ROBO2: variants seen among roughly 807,000 people sequenced by gnomAD.
The protein encoded by ROBO2 is roundabout homolog 2.
In ROBO2, 53 loss-of-function variants were observed where a neutral mutation model predicts 160.8. The ratio of observed to expected loss-of-function variants is 0.33; its 90% CI spans 0.26 to 0.41. The LOEUF (loss-of-function observed/expected upper bound fraction) is 0.41, where lower values mean the gene tolerates loss of function less well. ROBO2 is among the 10% of genes least tolerant of loss of function. The pLI is 1.00. For missense variants in ROBO2, 1,577 were observed against 1,722.4 expected, an observed-to-expected ratio of 0.92 and a Z score of 1.49; for synonymous variants, 664 against 611.7, an observed-to-expected ratio of 1.09 and a Z score of -1.26.
intron 2 of ROBO2, among the ~76,000 whole-genome samples, chr3:77,167,891 C>T (rs1320952837): frequency 6.6e-6 from 1 of 151,992 alleles, no homozygotes; most frequent in Non-Finnish European, 1.5e-5. Context: ...TGATGTTTCT[C>T]TGCCGCATTA....
chr3:76,985,529 C>T (rs2060327450), intron 2 of ROBO2, among the ~76,000 whole-genome samples: 1 of 129,320 alleles, frequency 7.7e-6, no homozygotes, highest in Admixed American at 9.4e-5. Context: ...TTGCAGTGAG[C>T]CAAGCCATTG....
chr3:77,182,724 C>T (rs1249705403), intron 2 of ROBO2, among the ~76,000 whole-genome samples: 1 of 152,006 alleles, frequency 6.6e-6, no homozygotes, highest in African/African-American at 2.4e-5. Context: ...TGAGTTGGTG[C>T]TCTCAACAAT....
intron 2 of ROBO2, among the ~76,000 whole-genome samples, chr3:77,153,204 A>G (rs1000986754): frequency 4.6e-5 from 7 of 152,210 alleles, no homozygotes; most frequent in Non-Finnish European, 8.8e-5. Flanking sequence ...AGACTTTTCC[A>G]GTGGTGCTGC....
intron 2 of ROBO2, among the ~76,000 whole-genome samples, chr3:76,327,254 A>G (rs960679306): frequency 6.6e-6 from 1 of 152,086 alleles, no homozygotes; most frequent in Non-Finnish European, 1.5e-5. Flanking sequence ...ATATAGTATA[A>G]CCTGATATAA....
At chr3:77,517,653 T>C (rs1285657661) in intron 5 of ROBO2, among the ~76,000 whole-genome samples, 1 of 151,520 alleles carries the variant, frequency 6.6e-6, no homozygotes, top group Non-Finnish European at 1.5e-5. Context: ...GTGGCTTCAG[T>C]TACCCTTGGT....
intron 2 of ROBO2, among the ~76,000 whole-genome samples, chr3:76,135,934 T>G (rs143964607): frequency 2.6e-3 from 381 of 145,122 alleles, no homozygotes; most frequent in African/African-American, 9.3e-3. Context: ...TACAAATGTT[T>G]ATTTTACTAC....
chr3:76,705,183 A>G (rs999035011), intron 2 of ROBO2, among the ~76,000 whole-genome samples: 2 of 152,094 alleles, frequency 1.3e-5, no homozygotes, highest in Non-Finnish European at 1.5e-5. Context: ...ATCTCTGTGT[A>G]TGTTGTACTT....
At chr3:75,962,343 A>C (rs1173675145) in intron 2 of ROBO2, among the ~76,000 whole-genome samples, 1 of 151,828 alleles carries the variant, frequency 6.6e-6, no homozygotes, top group Non-Finnish European at 1.5e-5. Context: ...CATAGGATTT[A>C]TATGTAAAGG....
At chr3:76,109,409 C>T (rs969291867) in intron 2 of ROBO2, among the ~76,000 whole-genome samples, 1 of 151,908 alleles carries the variant, frequency 6.6e-6, no homozygotes, top group African/African-American at 2.4e-5. Flanking sequence ...ATGTCAGGTA[C>T]CACTACTACT....
rs942574457 is a variant in ROBO2 at position 77,607,974 on chromosome 3, T to C, written c.3293+20T>C. The C allele has an allele frequency of 9.3e-6, 15 of 1,613,200 alleles. No individual in the cohort carries two copies. The highest frequency in any genetic ancestry group is 1.3e-5 in the Non-Finnish European group (15 of 1,179,446). ...AAATGGGTAAAGATATTTTATATAC[T>C]AGCAAAATGGCCAGGGCTCTCCTCT... On this transcript the variant is annotated intron_variant, in intron 21 of 25. Transcript: ENST00000461745.
intron 2 of ROBO2, among the ~76,000 whole-genome samples, chr3:77,272,967 G>GT (rs2059596097): frequency 6.6e-6 from 1 of 152,100 alleles, no homozygotes; most frequent in Non-Finnish European, 1.5e-5. Context: ...GATAATCTCA[G>GT]TTTTTATTTT....
chr3:76,049,820 A>G (rs1442254713), intron 2 of ROBO2, among the ~76,000 whole-genome samples: 1 of 152,080 alleles, frequency 6.6e-6, no homozygotes, highest in Non-Finnish European at 1.5e-5. Flanking sequence ...TCCTGGTACT[A>G]CATAGTCCCT....
intron 2 of ROBO2, among the ~76,000 whole-genome samples, chr3:76,616,404 A>C (rs2088587937): frequency 6.6e-6 from 1 of 152,158 alleles, no homozygotes; most frequent in Non-Finnish European, 1.5e-5. Context: ...GTTCTGTCCA[A>C]CAGGTAGGAA....
chr3:77,130,618 A>G (rs758850657), intron 2 of ROBO2, among the ~76,000 whole-genome samples: 6 of 152,214 alleles, frequency 3.9e-5, no homozygotes, highest in Non-Finnish European at 8.8e-5. Context: ...GTCTTGTTTA[A>G]TGGTGAAAAT....
intron 2 of ROBO2, among the ~76,000 whole-genome samples, chr3:76,368,324 T>C (rs2075935177): frequency 6.6e-6 from 1 of 152,002 alleles, no homozygotes; most frequent in Admixed American, 6.6e-5. Context: ...CCCCAAAACT[T>C]AGCAGCTTAA....
chr3:77,424,605 T>C (rs2078006759), intron 2 of ROBO2, among the ~76,000 whole-genome samples: 1 of 152,242 alleles, frequency 6.6e-6, no homozygotes, highest in Non-Finnish European at 1.5e-5. Context: ...ATATTTCTAA[T>C]TTACTGAAGC....
intron 2 of ROBO2, among the ~76,000 whole-genome samples, chr3:76,938,955 GA>G (rs1322693459): frequency 8.0e-6 from 1 of 124,860 alleles, no homozygotes; most frequent in Non-Finnish European, 1.6e-5. Context: ...TGGGCGACAA[GA>G]GCAAAACTCA....
At chr3:76,081,165 A>G (rs946429442) in intron 2 of ROBO2, among the ~76,000 whole-genome samples, 2 of 151,622 alleles carry the variant, frequency 1.3e-5, no homozygotes, top group Admixed American at 1.3e-4. Context: ...ATGTATATAT[A>G]CATATATATA....
intron 2 of ROBO2, among the ~76,000 whole-genome samples, chr3:77,341,273 A>G (rs2067026912): frequency 6.6e-6 from 1 of 152,134 alleles, no homozygotes. Context: ...AGATTCTATT[A>G]GAGCAGAGGT....
Sources: allele counts gnomAD v4.1 joint callset (sites outside exome capture counted in the v4.1 genomes callset), GRCh38; gene constraint gnomAD v4.1.1; transcripts MANE v1.5; gene names NCBI Gene and HGNC (gene_info 2026-07-23, HGNC 2026-07-21).